CPQ: variants seen among roughly 807,000 people sequenced by gnomAD.
The protein encoded by CPQ is carboxypeptidase Q.
Under a neutral mutation model 45.7 loss-of-function variants are expected in CPQ, and 37 were observed. The observed-to-expected ratio is 0.81, with a 90% CI of 0.62 to 1.07. CPQ has a LOEUF of 1.07. CPQ is among the 50% of genes least tolerant of loss of function. The pLI is 0.00. For synonymous variants in CPQ, 186 were observed against 205.8 expected (o/e 0.90, Z 0.82); for missense variants, 537 against 572.9 (o/e 0.94, Z 0.64).
intron 1 of CPQ, among the ~76,000 whole-genome samples, chr8:96,736,426 G>A (rs1360240805): frequency 6.6e-6 from 1 of 152,064 alleles, no homozygotes; most frequent in Non-Finnish European, 1.5e-5. Flanking sequence ...AAATCCACAT[G>A]GTGTCTTTTC....
At chr8:96,937,333 C>T (rs1202033725) in intron 4 of CPQ, among the ~76,000 whole-genome samples, 2 of 151,964 alleles carry the variant, frequency 1.3e-5, no homozygotes, top group African/African-American at 2.4e-5. Flanking sequence ...GCTGAGTGGG[C>T]CAGATGGGAG....
At chr8:96,753,705 A>G (rs1324574556) in intron 1 of CPQ, among the ~76,000 whole-genome samples, 2 of 152,012 alleles carry the variant, frequency 1.3e-5, no homozygotes, top group Non-Finnish European at 1.5e-5. Context: ...TATCTTTTAG[A>G]AAAGCAATCA....
At chr8:96,884,100 A>G (rs1812268103) in intron 4 of CPQ, among the ~76,000 whole-genome samples, 1 of 152,208 alleles carries the variant, frequency 6.6e-6, no homozygotes, top group African/African-American at 2.4e-5. Context: ...ATATGAACAC[A>G]TTGGCTCCCT....
intron 1 of CPQ, among the ~76,000 whole-genome samples, chr8:96,650,140 T>G (rs771848246): frequency 6.6e-6 from 1 of 152,228 alleles, no homozygotes; most frequent in Non-Finnish European, 1.5e-5. Context: ...ATTCAGTTTG[T>G]CAGGAAGAGA....
chr8:96,658,597 T>TTATG, intron 1 of CPQ, among the ~76,000 whole-genome samples: 1 of 152,360 alleles, frequency 6.6e-6, no homozygotes, highest in Non-Finnish European at 1.5e-5. Flanking sequence ...TTATTAATCA[T>TTATG]CTGGCCTTAA....
At chr8:96,925,354 C>T (rs538890508) in intron 4 of CPQ, among the ~76,000 whole-genome samples, 2 of 151,586 alleles carry the variant, frequency 1.3e-5, no homozygotes, top group East Asian at 3.9e-4. Flanking sequence ...TGATTTAAAC[C>T]AGAGCCTTTG....
In CPQ at chr8:96,652,725, C is replaced by T. The variant is rs565037966; in HGVS notation, c.-35+7323C>T. Reference sequence around the variant, plus strand: ...TCTGCTCACTGCAAGCTCCGCCTCCCGGGTTCACGCCATTCTCCTGCCTCA... The same window carrying T: ...TCTGCTCACTGCAAGCTCCGCCTCCTGGGTTCACGCCATTCTCCTGCCTCA... On this transcript the variant is annotated intron_variant, in intron 1 of 7. Coordinates refer to ENST00000220763, the MANE Select transcript of CPQ (RefSeq NM_016134.4). Among the ~76,000 whole-genome samples the T allele has an allele frequency of 2.2e-4, 33 of 152,262 alleles. No individual in the cohort carries two copies. The East Asian group carries it at 4.2e-3, about 20-fold the overall frequency.
intron 3 of CPQ, among the ~76,000 whole-genome samples, chr8:96,844,759 T>G (rs532725418): frequency 1.3e-5 from 2 of 152,224 alleles, no homozygotes; most frequent in African/African-American, 2.4e-5. Flanking sequence ...CAGCTCTAGA[T>G]AGAGCCCTCC....
At position 96,933,956 on chromosome 8, in the gene CPQ, A is replaced by G. The variant is rs554230717; in HGVS notation, c.850-31979A>G. ...AATAGTGCTACGTACCGCTACCACAACTGTAATGATTGCAGAAAATGTTCA... is the reference window on the plus strand; with the variant it reads ...AATAGTGCTACGTACCGCTACCACAGCTGTAATGATTGCAGAAAATGTTCA... On this transcript the variant is annotated intron_variant, in intron 4 of 7. Transcript: ENST00000220763. Among the ~76,000 whole-genome samples, 108 of 152,336 alleles carry G rather than the reference A, an allele frequency of 7.1e-4. No homozygotes were observed. The South Asian group carries it at 0.021, about 29-fold the overall frequency.
chr8:96,928,973 TA>T (rs1009443180), intron 4 of CPQ, among the ~76,000 whole-genome samples: 1 of 152,188 alleles, frequency 6.6e-6, no homozygotes, highest in Non-Finnish European at 1.5e-5. Context: ...GTAAACTATT[TA>T]AAACCTATAT....
At chr8:97,087,699 A>G (rs2130561008) in intron 7 of CPQ, among the ~76,000 whole-genome samples, 1 of 152,320 alleles carries the variant, frequency 6.6e-6, no homozygotes, top group Non-Finnish European at 1.5e-5. Context: ...AAAGACTGTC[A>G]TTAGATTTGA....
chr8:96,824,634 A>G (rs991264997), intron 2 of CPQ, among the ~76,000 whole-genome samples: 1 of 152,058 alleles, frequency 6.6e-6, no homozygotes, highest in Non-Finnish European at 1.5e-5. Flanking sequence ...AATGGTCCAC[A>G]TGGATCCTTG....
At chr8:96,769,307 C>T (rs1418448488) in intron 1 of CPQ, among the ~76,000 whole-genome samples, 3 of 152,134 alleles carry the variant, frequency 2.0e-5, no homozygotes, top group African/African-American at 7.2e-5. Flanking sequence ...TCTCTCAGAT[C>T]GTAGGACCTC....
intron 7 of CPQ, among the ~76,000 whole-genome samples, chr8:97,105,901 T>C (rs1225172582): frequency 2.0e-5 from 3 of 152,216 alleles, no homozygotes; most frequent in Non-Finnish European, 4.4e-5. Flanking sequence ...CTGCTTTGTT[T>C]CTAGGATGCA....
chr8:97,111,333 A>G (rs1384894470), intron 7 of CPQ, among the ~76,000 whole-genome samples: 1 of 152,188 alleles, frequency 6.6e-6, no homozygotes, highest in Non-Finnish European at 1.5e-5. Context: ...ATCATCCTGT[A>G]GTAACTCTTC....
chr8:97,019,386 C>T (rs887172930), intron 5 of CPQ, among the ~76,000 whole-genome samples: 1 of 152,284 alleles, frequency 6.6e-6, no homozygotes, highest in East Asian at 1.9e-4. Context: ...CACCTCAATA[C>T]TAATGATGAA....
intron 1 of CPQ, among the ~76,000 whole-genome samples, chr8:96,652,734 G>A (rs1294394338): frequency 6.6e-6 from 1 of 152,140 alleles, no homozygotes; most frequent in East Asian, 1.9e-4. Context: ...CCGGGTTCAC[G>A]CCATTCTCCT....
chr8:96,738,672 T>C (rs13251942), intron 1 of CPQ, among the ~76,000 whole-genome samples: 1 of 151,958 alleles, frequency 6.6e-6, no homozygotes, highest in East Asian at 1.9e-4. Context: ...CATGTGTTCT[T>C]ATTGTTCAAT....
chr8:96,646,180 T>G (rs1455169120), intron 1 of CPQ, among the ~76,000 whole-genome samples: 3 of 151,962 alleles, frequency 2.0e-5, no homozygotes, highest in Non-Finnish European at 4.4e-5. Flanking sequence ...GCATTCTGAT[T>G]GGGACCACTT....
Sources: gnomAD v4.1 joint callset for allele counts (sites outside exome capture counted in the v4.1 genomes callset) on GRCh38, gnomAD v4.1.1 for gene constraint, MANE v1.5 for transcripts, NCBI Gene and HGNC (gene_info 2026-07-23, HGNC 2026-07-21) for gene names.